The following LTBP1 variants were observed in gnomAD, a reference collection of about 807,000 sequenced individuals.
LTBP1 encodes the protein latent-transforming growth factor beta-binding protein 1.
LTBP1 carries 129 observed loss-of-function variants against 207.6 expected under a neutral mutation model. The observed-to-expected ratio is 0.62, with a 90% CI of 0.54 to 0.72. LTBP1 has a LOEUF of 0.72. LTBP1 is among the 30% of genes least tolerant of loss of function. The probability of loss-of-function intolerance (pLI) is 0.00; values close to 1 mark genes in which losing one functional copy is unlikely to be tolerated. For synonymous variants in LTBP1, 963 were observed against 833.7 expected, an observed-to-expected ratio of 1.16 and a Z score of -2.67; for missense variants, 2,281 against 2,217.2, an observed-to-expected ratio of 1.03 and a Z score of -0.58.
intron 2 of LTBP1, among the ~76,000 whole-genome samples, chr2:33,005,820 C>G (rs1686781252): frequency 6.6e-6 from 1 of 152,130 alleles, no homozygotes; most frequent in African/African-American, 2.4e-5. Context: ...CTCCCGACCT[C>G]AGGTGATCTG....
chr2:33,228,062 C>G lies in LTBP1; in HGVS notation c.1876+5911C>G, dbSNP rs1233912412. 2.6e-5 allele frequency among the ~76,000 whole-genome samples: 4 copies of G among 152,040 alleles called. No homozygotes were observed. In the South Asian group the frequency reaches 8.3e-4, roughly 32 times the overall value. On this transcript the variant is annotated intron_variant, in intron 9 of 33. Transcript: ENST00000404816. The stretch of plus-strand genomic sequence containing the variant: ...CCTCGTGATCCGCCCGCCTCGGCCT[C>G]CCAAAGTGCTGGGATTACAGGCATG...
rs763384851 is a variant in LTBP1 at position 33,283,427 on chromosome 2, C to CTTT, written c.3112+3294_3112+3296dup. The stretch of plus-strand genomic sequence containing the variant: ...AAATTCTCCGTGATAACATTAAAGA[C>CTTT]TTTTTTTTTTTTTTTTTTTTTTTTT... On this transcript the variant is annotated intron_variant, in intron 19 of 33. Coordinates refer to ENST00000404816, the MANE Select transcript of LTBP1 (RefSeq NM_206943.4). Among the ~76,000 whole-genome samples, 21 of 68,872 alleles carry CTTT rather than the reference C, an allele frequency of 3.0e-4. 1 individual carries two copies. The highest frequency in any genetic ancestry group is 6.6e-4 in the African/African-American group (11 of 16,634). 45.2% of individuals were successfully genotyped at this position (68,872 alleles called of 152,430 possible).
At chr2:33,194,050 G>A (rs988648753) in intron 7 of LTBP1, among the ~76,000 whole-genome samples, 2 of 151,952 alleles carry the variant, frequency 1.3e-5, no homozygotes, top group Non-Finnish European at 2.9e-5. Flanking sequence ...GCAGTGGCAC[G>A]ATCCTGGCTC....
At chr2:33,073,604 G>A (rs1178374829) in intron 3 of LTBP1, among the ~76,000 whole-genome samples, 1 of 151,742 alleles carries the variant, frequency 6.6e-6, no homozygotes, top group Non-Finnish European at 1.5e-5. Flanking sequence ...CTCCAAAGTT[G>A]CTCTGAAACA....
At chr2:33,042,660 A>G (rs1666357475) in intron 3 of LTBP1, among the ~76,000 whole-genome samples, 1 of 152,186 alleles carries the variant, frequency 6.6e-6, no homozygotes, top group Non-Finnish European at 1.5e-5. Context: ...GGCCAGACCA[A>G]TGGGAGGTTT....
At chr2:33,351,020 C>CT (rs1263388292) in intron 26 of LTBP1, among the ~76,000 whole-genome samples, 1 of 152,080 alleles carries the variant, frequency 6.6e-6, no homozygotes, top group East Asian at 1.9e-4. Context: ...GTATTCTCCA[C>CT]TTTAAGACAA....
intron 9 of LTBP1, among the ~76,000 whole-genome samples, chr2:33,222,355 A>ATTTTT (rs2091165620): frequency 6.6e-6 from 1 of 152,246 alleles, no homozygotes. Context: ...AACTTGATGC[A>ATTTTT]AGTTTTTAAT....
At chr2:33,021,744 G>A (rs561914960) in intron 3 of LTBP1, among the ~76,000 whole-genome samples, 3 of 151,962 alleles carry the variant, frequency 2.0e-5, no homozygotes, top group Non-Finnish European at 4.4e-5. Flanking sequence ...TTGCCGTGTG[G>A]GTCCATTTTT....
chr2:32,975,583 GTTTTTTTTTTTTTTTTTTT>G (rs779168923), intron 2 of LTBP1, among the ~76,000 whole-genome samples: 21 of 31,380 alleles, frequency 6.7e-4, no homozygotes, highest in African/African-American at 2.5e-3. Flanking sequence ...TTCATTCTTT[GTTTTTTTTTTTTTTTTTTT>G]TTTTTTTTTT....
intron 3 of LTBP1, among the ~76,000 whole-genome samples, chr2:33,044,686 A>C (rs1304824285): frequency 6.6e-6 from 1 of 152,224 alleles, no homozygotes; most frequent in East Asian, 1.9e-4. Flanking sequence ...AGGAATTGTC[A>C]CACTGTCTTC....
intron 3 of LTBP1, among the ~76,000 whole-genome samples, chr2:33,043,300 A>G (rs1458267480): frequency 1.3e-5 from 2 of 152,146 alleles, no homozygotes; most frequent in East Asian, 1.9e-4. Context: ...ATGAGTCTAT[A>G]ATAATTGGTC....
intron 2 of LTBP1, among the ~76,000 whole-genome samples, chr2:32,959,621 A>ATATATATTTTTTTTTTTTTT (rs1475834284): frequency 1.4e-4 from 5 of 36,668 alleles, no homozygotes; most frequent in African/African-American, 1.9e-4. Flanking sequence ...ATATATATAT[A>ATATATATTTTTTTTTTTTTT]TTTTTTTTTT....
chr2:33,095,351 G>A (rs764172845), intron 3 of LTBP1, among the ~76,000 whole-genome samples: 1 of 152,154 alleles, frequency 6.6e-6, no homozygotes, highest in Non-Finnish European at 1.5e-5. Context: ...CAAATTTCTT[G>A]GCTGATCCTG....
Position 33,186,953 on chromosome 2 carries a change from A to T in LTBP1, c.1299A>T (p.Pro433=). The change falls in exon 6 of 34, where the codon CCA becomes CCT. Residue 433 remains proline, a synonymous_variant. Coordinates refer to ENST00000404816, the MANE Select transcript of LTBP1 (RefSeq NM_206943.4). Reference sequence around the variant, plus strand: ...TCACAGGAAAACTTTGTCAGATCCCAGTCCATGGTGCCAGCGTGCCTAAAC... The same window carrying T: ...TCACAGGAAAACTTTGTCAGATCCCTGTCCATGGTGCCAGCGTGCCTAAAC... ...PNFTGKLCQI[P]VHGASVPKLY... 6.2e-7 allele frequency: 1 copy of T among 1,614,230 alleles called. No individual in the cohort carries two copies.
chr2:33,222,063 C>T lies in LTBP1; in HGVS notation c.1805-17C>T, dbSNP rs761989516. 6.3e-7 allele frequency: 1 copy of T among 1,592,792 alleles called. No individual in the cohort carries two copies. Among genetic ancestry groups the T allele is most frequent in the Non-Finnish European group, 8.6e-7 (1 of 1,160,556 alleles). On this transcript the variant is annotated splice_polypyrimidine_tract_variant and intron_variant, in intron 8 of 33. Transcript: ENST00000404816. ...GTAAGAATTTAAGTATGTAACAAAG[C>T]ATTTCTTCCCTTACAGCTTATCATG...
intron 2 of LTBP1, among the ~76,000 whole-genome samples, chr2:32,994,455 T>C (rs1380102497): frequency 6.6e-6 from 1 of 151,878 alleles, no homozygotes; most frequent in East Asian, 1.9e-4. Flanking sequence ...CACGCTTATC[T>C]AATATTAGTG....
intron 10 of LTBP1, among the ~76,000 whole-genome samples, chr2:33,249,320 T>A (rs1172281524): frequency 2.0e-5 from 2 of 100,632 alleles, no homozygotes; most frequent in African/African-American, 7.5e-5. Flanking sequence ...TAGGTCTGAT[T>A]TTTCACACAC....
At chr2:33,109,995 T>G (rs1193383708) in intron 3 of LTBP1, among the ~76,000 whole-genome samples, 1 of 152,234 alleles carries the variant, frequency 6.6e-6, no homozygotes, top group African/African-American at 2.4e-5. Flanking sequence ...ATTTCTTGCA[T>G]AATTCCCTTC....
Position 32,959,619 on chromosome 2 carries a change from A to ATTTTTTTTTTTTT in LTBP1, c.565+10675_565+10676insTTTTTTTTTTTTT, listed in dbSNP as rs1378144146. On this transcript the variant is annotated intron_variant, in intron 2 of 33. Transcript: ENST00000404816. ...CGTGTATATATATATATATATATAT[A>ATTTTTTTTTTTTT]TATTTTTTTTTTTTTTTTTGAGATG... Among the ~76,000 whole-genome samples, 61 of 48,060 alleles carry ATTTTTTTTTTTTT rather than the reference A, an allele frequency of 1.3e-3. 1 individual carries two copies. The highest frequency in any genetic ancestry group is 1.4e-3 in the South Asian group (1 of 694). 31.5% of individuals were successfully genotyped at this position (48,060 alleles called of 152,430 possible).
Sources: allele counts gnomAD v4.1 joint callset (sites outside exome capture counted in the v4.1 genomes callset), GRCh38; gene constraint gnomAD v4.1.1; transcripts MANE v1.5; gene names NCBI Gene and HGNC (gene_info 2026-07-23, HGNC 2026-07-21).